The following LOC128706666 variants were observed in gnomAD, a reference collection of about 807,000 sequenced individuals.
chr20:10,433,836 C>A, the LOC128706666 span, among the ~76,000 whole-genome samples: 7 of 152,076 alleles, frequency 4.6e-5, no homozygotes, highest in Non-Finnish European at 8.8e-5. Flanking sequence ...CGTGGTGAGG[C>A]GCCACTCCTC....
chr20:10,422,718 T>A, the LOC128706666 span, among the ~76,000 whole-genome samples: 1 of 151,792 alleles, frequency 6.6e-6, no homozygotes, highest in Non-Finnish European at 1.5e-5. Flanking sequence ...ATTATCTTTT[T>A]TTTTTTTTTG....
the LOC128706666 span, among the ~76,000 whole-genome samples, chr20:10,428,545 A>C: frequency 6.6e-6 from 1 of 152,180 alleles, no homozygotes; most frequent in African/African-American, 2.4e-5. Context: ...GCTCTCAACT[A>C]AATCTTCTTT....
the LOC128706666 span, among the ~76,000 whole-genome samples, chr20:10,433,600 C>A: frequency 6.6e-6 from 1 of 152,210 alleles, no homozygotes; most frequent in African/African-American, 2.4e-5. Flanking sequence ...AGAGGGTCAT[C>A]CCTACAAGGT....
At chr20:10,417,830 G>A in the LOC128706666 span, among the ~76,000 whole-genome samples, 1,249 of 152,174 alleles carry the variant, frequency 8.2e-3, 18 homozygotes, top group African/African-American at 0.029. Context: ...ATATAATTAC[G>A]AGATTACAGG....
the LOC128706666 span, among the ~76,000 whole-genome samples, chr20:10,422,728 G>A: frequency 1.1e-5 from 1 of 86,960 alleles, no homozygotes; most frequent in Non-Finnish European, 2.4e-5. Context: ...TTTTTTTTTT[G>A]TGAGACAGAG....
chr20:10,433,638 T>C, the LOC128706666 span, among the ~76,000 whole-genome samples: 300 of 152,284 alleles, frequency 2.0e-3, 2 homozygotes, highest in African/African-American at 7.0e-3. Context: ...CCGCGGCTGC[T>C]TTCACGTAGC....
the LOC128706666 span, among the ~76,000 whole-genome samples, chr20:10,429,279 A>C: frequency 6.6e-6 from 1 of 152,162 alleles, no homozygotes; most frequent in African/African-American, 2.4e-5. Context: ...ACTCCTAAGT[A>C]CTCAGGACTC....
At chr20:10,420,414 A>T in the LOC128706666 span, 2 of 152,206 alleles carry the variant, frequency 1.3e-5, no homozygotes, top group African/African-American at 4.8e-5. Context: ...GTCACAATAA[A>T]AACAACAGGT....
At chr20:10,414,020 GC>G in the LOC128706666 span, 1 of 389,006 alleles carries the variant, frequency 2.6e-6, no homozygotes, top group Non-Finnish European at 4.5e-6. Flanking sequence ...ATGCTCTGCT[GC>G]CTTTTTAGAA....
At chr20:10,414,368 C>G in the LOC128706666 span, among the ~76,000 whole-genome samples, 4 of 150,900 alleles carry the variant, frequency 2.7e-5, no homozygotes, top group African/African-American at 7.3e-5. Context: ...TGGGTTCAAG[C>G]AATTCTCCTG....
chr20:10,433,518 T>G, the LOC128706666 span, among the ~76,000 whole-genome samples: 1 of 152,056 alleles, frequency 6.6e-6, no homozygotes, highest in Non-Finnish European at 1.5e-5. Context: ...AATGAAACCG[T>G]CATATTGAGT....
the LOC128706666 span, among the ~76,000 whole-genome samples, chr20:10,427,946 T>C: frequency 6.6e-6 from 1 of 152,098 alleles, no homozygotes; most frequent in South Asian, 2.1e-4. Flanking sequence ...GAGTCAGGAG[T>C]GGATCTGCAG....
the LOC128706666 span, among the ~76,000 whole-genome samples, chr20:10,427,063 C>CACACACACAA: frequency 1.4e-5 from 2 of 145,394 alleles, no homozygotes; most frequent in African/African-American, 5.0e-5. Flanking sequence ...CACACACACA[C>CACACACACAA]ACACACACAC....
At chr20:10,420,580 G>C in the LOC128706666 span, 2 of 152,192 alleles carry the variant, frequency 1.3e-5, no homozygotes, top group Non-Finnish European at 2.9e-5. Flanking sequence ...CTGAAGATTT[G>C]AAAGTCCCAG....
the LOC128706666 span, among the ~76,000 whole-genome samples, chr20:10,421,434 A>C: frequency 6.6e-6 from 1 of 150,830 alleles, no homozygotes; most frequent in Non-Finnish European, 1.5e-5. Flanking sequence ...AAAAAAAAAA[A>C]ATTACATTTA....
At chr20:10,417,716 A>T in the LOC128706666 span, among the ~76,000 whole-genome samples, 1 of 152,210 alleles carries the variant, frequency 6.6e-6, no homozygotes, top group Admixed American at 6.5e-5. Context: ...ATCAGACATT[A>T]TATATGAAAC....
chr20:10,415,250 T>A, the LOC128706666 span, among the ~76,000 whole-genome samples: 1 of 152,166 alleles, frequency 6.6e-6, no homozygotes, highest in Non-Finnish European at 1.5e-5. Flanking sequence ...ATGCTGAGTA[T>A]GGTAGTGTCC....
At chr20:10,417,095 C>A in the LOC128706666 span, among the ~76,000 whole-genome samples, 3 of 151,712 alleles carry the variant, frequency 2.0e-5, no homozygotes, top group Non-Finnish European at 2.9e-5. Context: ...TAAAAAAATA[C>A]AAAAAACTAG....
At chr20:10,423,331 G>T in the LOC128706666 span, among the ~76,000 whole-genome samples, 1 of 152,138 alleles carries the variant, frequency 6.6e-6, no homozygotes, top group East Asian at 1.9e-4. Context: ...TGAGGTAGGA[G>T]GATCGCTTGG....
Sources: gnomAD v4.1 joint callset for allele counts (sites outside exome capture counted in the v4.1 genomes callset) on GRCh38, gnomAD v4.1.1 for gene constraint, MANE v1.5 for transcripts.